The following PKD1 variants were observed in gnomAD, a reference collection of about 807,000 sequenced individuals.
PKD1 encodes the protein polycystin-1.
In PKD1, 81 loss-of-function variants were observed where a neutral mutation model predicts 361.7. The ratio of observed to expected loss-of-function variants is 0.22; its 90% CI spans 0.19 to 0.27. The LOEUF (loss-of-function observed/expected upper bound fraction) is 0.27. PKD1 is among the 10% of genes least tolerant of loss of function. PKD1 has a pLI of 1.00. For missense variants in PKD1, 6,399 were observed against 6,118.3 expected (o/e 1.05, Z -1.53); for synonymous variants, 3,615 against 2,818.3 (o/e 1.28, Z -8.95).
rs537008425 is a variant in PKD1, at chr16:2,120,696, G to A, written c.216-1318C>T. Among the ~76,000 whole-genome samples, 12 of 151,878 alleles carry A rather than the reference G, an allele frequency of 7.9e-5. No homozygotes were observed. In the South Asian group the frequency reaches 1.0e-3, roughly 13 times the overall value. ...CAGCCTGGGCGACAGAGCAAGACCCGGTCTCGAAAGAAAACAAAGAGAAAG... is the reference window on the plus strand; with the variant it reads ...CAGCCTGGGCGACAGAGCAAGACCCAGTCTCGAAAGAAAACAAAGAGAAAG... On this transcript the variant is annotated intron_variant, in intron 1 of 45. Transcript: ENST00000262304.
chr16:2,104,167 AGAG>A (rs1291967135), intron 22 of PKD1, among the ~76,000 whole-genome samples: 4 of 13,140 alleles, frequency 3.0e-4, no homozygotes. Context: ...AGGGAGAAGA[AGAG>A]GAGCAGGGGG....
Position 2,093,080 on chromosome 16 carries a change from T to A in PKD1, c.11030A>T (p.Tyr3677Phe). 12 of 1,612,698 alleles carry A rather than the reference T, an allele frequency of 7.4e-6. No individual in the cohort carries two copies. The highest frequency in any genetic ancestry group is 1.0e-5 in the Non-Finnish European group (12 of 1,179,966). The change falls in exon 38 of 46, where the codon TAC becomes TTC. Residue 3677 changes from tyrosine to phenylalanine, a missense_variant. Coordinates refer to ENST00000262304, the MANE Select transcript of PKD1 (RefSeq NM_001009944.3). ...CAGGGTCACCAGCAGAAAAAGCATG[T>A]ACACCAGGAGGCTCTGGTGGACGGG... ...LHGMLRSLLVYMLFLLVTLLA... is the reference protein window; with the variant it reads ...LHGMLRSLLVFMLFLLVTLLA...
chr16:2,130,233 G>T (rs913596916), intron 1 of PKD1, among the ~76,000 whole-genome samples: 5 of 152,314 alleles, frequency 3.3e-5, no homozygotes, highest in African/African-American at 1.2e-4. Context: ...GGACATGCAG[G>T]ATGCAGGTCC....
Position 2,114,394 on chromosome 16 carries a change from G to A in PKD1, c.2629C>T (p.Leu877=). The part of the protein sequence containing the change: ...SARFENVCPA[L]VATFVPGCPW... The stretch of plus-strand genomic sequence containing the variant: ...CAGCCGGGCACGAAGGTGGCCACCA[G>A]GGCAGGGCAGACATTCTCAAAGCGG... Residue 877 remains leucine (L), a synonymous_variant, in exon 11 of 46, where the codon CTG becomes TTG. Transcript: ENST00000262304. 6.2e-7 allele frequency: 1 copy of A among 1,607,410 alleles called. No individual in the cohort carries two copies. Among genetic ancestry groups the A allele is most frequent in the Non-Finnish European group, 8.5e-7 (1 of 1,179,630 alleles).
rs1474312319 is a variant in PKD1 at position 2,104,180 on chromosome 16, GA to G, written c.8162-286del. 4.0e-4 allele frequency among the ~76,000 whole-genome samples: 7 copies of G among 17,340 alleles called. No homozygotes were observed. The East Asian group carries it at 9.3e-3, about 23-fold the overall frequency. 11.4% of individuals were successfully genotyped at this position (17,340 alleles called of 152,430 possible). Reference sequence around the variant, plus strand: ...GAAGGGAGAAGAAGAGGAGCAGGGGGAAAGGGAGGGGAAGGGGGATAAGGGA... The same window carrying G: ...GAAGGGAGAAGAAGAGGAGCAGGGGGAAGGGAGGGGAAGGGGGATAAGGGA... On this transcript the variant is annotated intron_variant, in intron 22 of 45. Coordinates refer to ENST00000262304, the MANE Select transcript of PKD1 (RefSeq NM_001009944.3).
Position 2,097,352 on chromosome 16 carries a change from G to A in PKD1, c.10372C>T (p.Pro3458Ser), listed in dbSNP as rs980940314. 1 of 1,612,386 alleles carries A rather than the reference G, an allele frequency of 6.2e-7. No homozygotes were observed. The highest frequency in any genetic ancestry group is 1.3e-5 in the African/African-American group (1 of 75,034). Residue 3458 changes from proline to serine, a missense_variant, in exon 33 of 46, where the codon CCC becomes TCC. Coordinates refer to ENST00000262304, the MANE Select transcript of PKD1 (RefSeq NM_001009944.3). Reference sequence around the variant, plus strand: ...GAGAAGGATTTGGCAGGCGAGTAGGGGCTGGCCAGGGAGAAGCCGTCCTCC... The same window carrying A: ...GAGAAGGATTTGGCAGGCGAGTAGGAGCTGGCCAGGGAGAAGCCGTCCTCC... The part of the protein sequence containing the change: ...PEEDGFSLAS[P>S]YSPAKSFSAS...
chr16:2,109,047 C>A lies in PKD1; in HGVS notation c.6120G>T (p.Val2040=), dbSNP rs374309633. ...PVAAGLLEIQ[V]RAFNALGSEN... ...CACTGCCCAGGGCGTTGAAGGCGCG[C>A]ACCTGGATCTCCAACAGCCCCGCGG... The change falls in exon 15 of 46, where the codon GTG becomes GTT. Residue 2040 remains valine, a synonymous_variant. Coordinates refer to ENST00000262304, the MANE Select transcript of PKD1 (RefSeq NM_001009944.3). 2 of 1,607,694 alleles carry A rather than the reference C, an allele frequency of 1.2e-6. No individual in the cohort carries two copies. Among genetic ancestry groups the A allele is most frequent in the Admixed American group, 1.7e-5 (1 of 59,902 alleles).
At chr16:2,128,593 C>A (rs1452341200) in intron 1 of PKD1, among the ~76,000 whole-genome samples, 4 of 152,194 alleles carry the variant, frequency 2.6e-5, no homozygotes, top group Non-Finnish European at 4.4e-5. Flanking sequence ...TAAAATGAGA[C>A]CAGGAGTGGC....
At position 2,116,957 on chromosome 16, in the gene PKD1, G is replaced by T; in HGVS notation, c.1482C>A (p.Asn494Lys). The change falls in exon 7 of 46, where the codon AAC becomes AAA. Residue 494 changes from asparagine (N) to lysine (K), a missense_variant. Transcript: ENST00000262304. Reference protein sequence around the residue: ...GEAFSLESCQNWLPGEPHPAT... With the variant: ...GEAFSLESCQKWLPGEPHPAT... ...CTGGGTGTGGCTCCCCGGGCAGCCA[G>T]TTCTGGCAGCTCTCCAGGCTGAAGG... 6.6e-7 allele frequency: 1 copy of T among 1,517,532 alleles called. No individual in the cohort carries two copies. The highest frequency in any genetic ancestry group is 1.2e-5 in the South Asian group (1 of 85,598). 94.0% of individuals were successfully genotyped at this position (1,517,532 alleles called of 1,614,324 possible).
In PKD1 at chr16:2,118,466, G is replaced by C; in HGVS notation, c.530-4C>G. 1.6e-6 allele frequency: 2 copies of C among 1,278,438 alleles called. No individual in the cohort carries two copies. Among genetic ancestry groups the C allele is most frequent in the Non-Finnish European group, 2.2e-6 (2 of 909,870 alleles). The allele number at this position is 1,278,438 out of a possible 1,614,324, so 79.2% of individuals were successfully genotyped here. ...AGGCAGGCGACATACTCCTCACCTA[G>C]AAGAGGCAGCCACTGGACCCCGGGT... On this transcript the variant is annotated splice_polypyrimidine_tract_variant and splice_region_variant and intron_variant, in intron 4 of 45. Transcript: ENST00000262304. The surrounding 1 kb of genome is among the most constrained non-coding windows in gnomAD (Gnocchi z 6.0).
chr16:2,112,173 C>A (rs1349192003), intron 14 of PKD1, among the ~76,000 whole-genome samples, 167 bp downstream of exon 14: 1 of 152,226 alleles, frequency 6.6e-6, no homozygotes, highest in Non-Finnish European at 1.5e-5. Flanking sequence ...TCCACTCCCC[C>A]CACGCCTGGC....
chr16:2,105,687 G>A (rs2092313478), intron 20 of PKD1, 178 bp downstream of exon 20: 24 of 1,332,104 alleles, frequency 1.8e-5, no homozygotes, highest in Non-Finnish European at 2.5e-5. Flanking sequence ...GCAGACGCCG[G>A]AGAGGGCCCG....
In PKD1 at chr16:2,115,432, C is replaced by T; in HGVS notation, c.2043G>A (p.Ala681=). The change falls in exon 10 of 46, where the codon GCG becomes GCA. Residue 681 remains alanine, a synonymous_variant. Transcript: ENST00000262304. The part of the protein sequence containing the change: ...SGPGLPGAPY[A]LWREFLFSVP... ...CGGAGAAGAGGAACTCTCTCCATAG[C>T]GCATAGGGGGCCCCGGGTAGCCCTG... 8 of 1,589,372 alleles carry T rather than the reference C, an allele frequency of 5.0e-6. No homozygotes were observed. The highest frequency in any genetic ancestry group is 1.1e-5 in the South Asian group (1 of 88,012).
intron 1 of PKD1, among the ~76,000 whole-genome samples, chr16:2,121,135 G>A (rs1221725592): frequency 1.3e-5 from 2 of 152,174 alleles, no homozygotes; most frequent in African/African-American, 4.8e-5. Context: ...GGAGGCTGAG[G>A]CGGGCGCATC....
rs79000340 is a variant in PKD1 at position 2,093,954 on chromosome 16, C to G, written c.10678G>C (p.Gly3560Arg). The G allele has an allele frequency of 1.3e-6, 2 of 1,586,334 alleles. No individual in the cohort carries two copies. The highest frequency in any genetic ancestry group is 1.7e-6 in the Non-Finnish European group (2 of 1,169,948). ...LPAWCASLAH[G>R]LSLLLVAVAV... ...ACAGCCACCAGGAGCAGGCTGAGCC[C>G]GTGGGCCAGGGAGGCACACCAGGCC... Residue 3560 changes from glycine to arginine, a missense_variant, in exon 36 of 46, where the codon GGG (glycine) becomes CGG (arginine). By Grantham distance (125) the Gly-to-Arg change is moderately radical. Transcript: ENST00000262304.
rs532554504 is a variant in PKD1 at position 2,120,114 on chromosome 16, G to A, written c.216-736C>T. 13 of 549,894 alleles carry A rather than the reference G, an allele frequency of 2.4e-5. No homozygotes were observed. The South Asian group carries it at 3.0e-4, about 13-fold the overall frequency. 34.1% of individuals were successfully genotyped at this position (549,894 alleles called of 1,614,324 possible). ...GGTCCCAAGTACTCGGGAGGTAGAGGAGAGAAAAATCACTTGAGCCCAGAG... is the reference window on the plus strand; with the variant it reads ...GGTCCCAAGTACTCGGGAGGTAGAGAAGAGAAAAATCACTTGAGCCCAGAG... On this transcript the variant is annotated intron_variant, in intron 1 of 45. Transcript: ENST00000262304.
chr16:2,097,744 G>T lies in PKD1; in HGVS notation c.10204C>A (p.Leu3402Met). Residue 3402 changes from leucine to methionine, a missense_variant, in exon 32 of 46, where the codon CTG (leucine) becomes ATG (methionine). Coordinates refer to ENST00000262304, the MANE Select transcript of PKD1 (RefSeq NM_001009944.3). ...GGAACCCACCTCTTAGAATCATCCA[G>T]AAACAAGTCACTCTTCATCTGTCCA... ...FVGQMKSDLF[L>M]DDSKSLVCWP... 6.2e-7 allele frequency: 1 copy of T among 1,611,240 alleles called. No individual in the cohort carries two copies. The highest frequency in any genetic ancestry group is 8.5e-7 in the Non-Finnish European group (1 of 1,179,820).
At chr16:2,104,388 A>AG in intron 22 of PKD1, 110 bp downstream of exon 22, 1 of 520,172 alleles carries the variant, frequency 1.9e-6, no homozygotes, top group Non-Finnish European at 3.3e-6. Context: ...GGGGGAGGGG[A>AG]GGGGGACGAA....
rs760043002 is a variant in PKD1, at chr16:2,093,009, G to A, written c.11101C>T (p.Leu3701=). ...AGCTCCTGCTTGATGGCGCTTTGCA[G>A]ACGGTAGGCGTGCCCATGGCATGAG... is the stretch of plus-strand genomic sequence containing the variant. ...DASCHGHAYR[L]QSAIKQELHS... The change falls in exon 38 of 46, where the codon CTG becomes TTG. Residue 3701 remains leucine (L), a synonymous_variant. Coordinates refer to ENST00000262304, the MANE Select transcript of PKD1 (RefSeq NM_001009944.3). 1.2e-6 allele frequency: 2 copies of A among 1,612,994 alleles called. No homozygotes were observed. The highest frequency in any genetic ancestry group is 2.2e-5 in the East Asian group (1 of 44,876).
Sources: allele counts gnomAD v4.1 joint callset (sites outside exome capture counted in the v4.1 genomes callset), GRCh38; gene constraint gnomAD v4.1.1; non-coding constraint Gnocchi (gnomAD v3.1); transcripts MANE v1.5; gene names NCBI Gene and HGNC (gene_info 2026-07-23, HGNC 2026-07-21).